SLC24A2: variants seen among roughly 807,000 people sequenced by gnomAD.
SLC24A2 encodes the protein sodium/potassium/calcium exchanger 2.
A neutral mutation model predicts 62.0 loss-of-function variants in SLC24A2; 36 were observed. The ratio of observed to expected loss-of-function variants is 0.58; its 90% CI spans 0.44 to 0.77. The LOEUF is 0.77. Ranked by LOEUF, SLC24A2 falls within the 30% of genes least tolerant of loss-of-function variation. The pLI is 0.00. For synonymous variants in SLC24A2, 358 were observed against 294.0 expected, an observed-to-expected ratio of 1.22 and a Z score of -2.23; for missense variants, 846 against 817.9, an observed-to-expected ratio of 1.03 and a Z score of -0.42.
the SLC24A2 span, among the ~76,000 whole-genome samples, chr9:19,984,896 G>T: frequency 2.0e-5 from 3 of 152,086 alleles, no homozygotes; most frequent in Non-Finnish European, 4.4e-5. Context: ...AAGGCAAGAG[G>T]AGTATATGGG....
intron 2 of SLC24A2, among the ~76,000 whole-genome samples, chr9:19,728,342 C>T (rs960808415): frequency 6.6e-6 from 1 of 150,380 alleles, no homozygotes; most frequent in Non-Finnish European, 1.5e-5. Flanking sequence ...AGCTGGATAA[C>T]TTCACAAATG....
the SLC24A2 span, among the ~76,000 whole-genome samples, chr9:20,206,112 A>T: frequency 1.4e-4 from 22 of 152,360 alleles, no homozygotes; most frequent in African/African-American, 4.8e-4. Flanking sequence ...ACAGAGTATA[A>T]AAAGTTTATT....
chr9:20,110,378 C>G, the SLC24A2 span, among the ~76,000 whole-genome samples: 2 of 152,172 alleles, frequency 1.3e-5, no homozygotes, highest in South Asian at 4.1e-4. Context: ...TATCAACAGT[C>G]TAAAAGCTTC....
chr9:19,522,054 G>C (rs935811525), intron 9 of SLC24A2, among the ~76,000 whole-genome samples: 1 of 152,110 alleles, frequency 6.6e-6, no homozygotes, highest in African/African-American at 2.4e-5. Flanking sequence ...TGTTGCCCAG[G>C]CTAGAGTGCA....
At chr9:20,007,176 A>T in the SLC24A2 span, among the ~76,000 whole-genome samples, 1 of 152,206 alleles carries the variant, frequency 6.6e-6, no homozygotes, top group African/African-American at 2.4e-5. Context: ...AATAAAAAAC[A>T]GTTTTCACAA....
intron 7 of SLC24A2, among the ~76,000 whole-genome samples, chr9:19,563,353 G>T (rs1048494921): frequency 7.9e-5 from 12 of 151,962 alleles, no homozygotes; most frequent in African/African-American, 2.9e-4. Context: ...TATTTTTAAA[G>T]TTTGAAAATG....
the SLC24A2 span, among the ~76,000 whole-genome samples, chr9:20,093,318 C>G: frequency 6.6e-6 from 1 of 151,980 alleles, no homozygotes; most frequent in African/African-American, 2.4e-5. Flanking sequence ...ATGATCCACC[C>G]GCCTCGGCCT....
intron 2 of SLC24A2, among the ~76,000 whole-genome samples, chr9:19,745,307 A>C (rs1366162261): frequency 6.6e-6 from 1 of 152,140 alleles, no homozygotes; most frequent in African/African-American, 2.4e-5. Context: ...TTTGTAAATT[A>C]CCCAGCCTCG....
the SLC24A2 span, among the ~76,000 whole-genome samples, chr9:19,794,129 A>C: frequency 7.7e-3 from 1,179 of 152,312 alleles, 67 homozygotes; most frequent in East Asian, 0.14. Context: ...AACAGCACTT[A>C]AGGCCAACCC....
At chr9:20,214,974 T>C in the SLC24A2 span, among the ~76,000 whole-genome samples, 133,789 of 152,254 alleles carry the variant, frequency 0.88, 58,992 homozygotes, top group East Asian at 0.99. Context: ...TACATCTAAT[T>C]CTACCTAATG....
chr9:20,049,642 C>CAAATATGTTAAGTATTAAGTT, the SLC24A2 span, among the ~76,000 whole-genome samples: 312 of 151,836 alleles, frequency 2.1e-3, no homozygotes, highest in African/African-American at 6.9e-3. Context: ...ACAAAGATGA[C>CAAATATGTTAAGTATTAAGTT]AAATATGTTA....
the SLC24A2 span, among the ~76,000 whole-genome samples, chr9:19,838,295 C>G: frequency 6.6e-6 from 1 of 151,966 alleles, no homozygotes; most frequent in African/African-American, 2.4e-5. Flanking sequence ...CTTTGACAAA[C>G]CTGACAAAAA....
At chr9:20,110,365 T>C in the SLC24A2 span, among the ~76,000 whole-genome samples, 2 of 152,164 alleles carry the variant, frequency 1.3e-5, no homozygotes, top group African/African-American at 2.4e-5. Context: ...TGTTGATATG[T>C]GATATCAACA....
At chr9:19,578,430 T>C (rs943263292) in intron 5 of SLC24A2, among the ~76,000 whole-genome samples, 3 of 151,806 alleles carry the variant, frequency 2.0e-5, no homozygotes, top group Non-Finnish European at 4.4e-5. Flanking sequence ...CTTTTTATCC[T>C]TTATTTTCTT....
chr9:20,158,151 CA>C, the SLC24A2 span, among the ~76,000 whole-genome samples: 1 of 151,352 alleles, frequency 6.6e-6, no homozygotes, highest in Non-Finnish European at 1.5e-5. Flanking sequence ...GGAAGAAATG[CA>C]ATAAGAATGG....
chr9:19,611,537 C>G (rs924641219), intron 4 of SLC24A2, among the ~76,000 whole-genome samples: 1 of 151,826 alleles, frequency 6.6e-6, no homozygotes, highest in Admixed American at 6.6e-5. Context: ...GGCCGCTGTA[C>G]GCTCTAGGGC....
chr9:20,131,122 T>C, the SLC24A2 span, among the ~76,000 whole-genome samples: 1 of 151,242 alleles, frequency 6.6e-6, no homozygotes, highest in South Asian at 2.1e-4. Context: ...GGTCCAGCAG[T>C]TCAAAGCAGG....
At chr9:19,584,273 TAAAA>T (rs5896848) in intron 5 of SLC24A2, among the ~76,000 whole-genome samples, 339 of 119,914 alleles carry the variant, frequency 2.8e-3, no homozygotes, top group East Asian at 6.9e-3. Context: ...TAGCAAATAG[TAAAA>T]AAAAAAAAAA....
chr9:19,972,823 C>T, the SLC24A2 span, among the ~76,000 whole-genome samples: 559 of 151,706 alleles, frequency 3.7e-3, 5 homozygotes, highest in African/African-American at 0.011. Context: ...AGAAAGTGAG[C>T]AACCTTGCCA....
Sources: gnomAD v4.1 joint callset for allele counts (sites outside exome capture counted in the v4.1 genomes callset) on GRCh38, gnomAD v4.1.1 for gene constraint, MANE v1.5 for transcripts, NCBI Gene and HGNC (gene_info 2026-07-23, HGNC 2026-07-21) for gene names.